HECW1: variants seen among roughly 807,000 people sequenced by gnomAD.
The protein encoded by HECW1 is E3 ubiquitin-protein ligase HECW1.
A neutral mutation model predicts 182.3 loss-of-function variants in HECW1; 61 were observed. The observed-to-expected ratio is 0.33, with a 90% CI of 0.27 to 0.41. The LOEUF is 0.41. Ranked by LOEUF, HECW1 falls within the 10% of genes least tolerant of loss-of-function variation. HECW1 has a pLI of 1.00. For missense variants in HECW1, 1,739 were observed against 2,108.9 expected (o/e 0.82, Z 3.44); for synonymous variants, 859 against 832.6 (o/e 1.03, Z -0.55).
At chr7:43,463,622 C>G in intron 13 of HECW1, 38 bp from the exon 14 acceptor site, 1 of 1,594,648 alleles carries the variant, frequency 6.3e-7, no homozygotes, top group Non-Finnish European at 8.6e-7. Context: ...AGGAGCAAAC[C>G]AAAGTTAACT....
At chr7:43,175,106 T>C (rs1403891174) in intron 2 of HECW1, among the ~76,000 whole-genome samples, 1 of 152,160 alleles carries the variant, frequency 6.6e-6, no homozygotes, top group Admixed American at 6.5e-5. Flanking sequence ...TTTCTCTTTT[T>C]TTTAAGTTGA....
chr7:43,134,703 A>G (rs1415441484), intron 2 of HECW1, among the ~76,000 whole-genome samples: 1 of 130,006 alleles, frequency 7.7e-6, no homozygotes, highest in Admixed American at 7.5e-5. Context: ...ATTTTCCTCA[A>G]TCTTTCAATA....
In HECW1 at chr7:43,320,687, T is replaced by C. The variant is rs1262648134; in HGVS notation, c.405T>C (p.Gly135=). Residue 135 remains glycine (G), a synonymous_variant, in exon 5 of 30, where the codon GGT becomes GGC. Coordinates refer to ENST00000395891, the MANE Select transcript of HECW1 (RefSeq NM_015052.5). ...FLDYKNRGVN[G]SHRGQIIWKI... is the part of the protein sequence containing the mutation. ...ACTATAAAAACCGTGGAGTCAATGG[T>C]TCTCATCGGGGCCAGATCATCTGGA... 1 of 1,614,186 alleles carries C rather than the reference T, an allele frequency of 6.2e-7. No individual in the cohort carries two copies.
rs537704143 is a variant in HECW1 at position 43,513,545 on chromosome 7, T to C, written c.4019+4424T>C. Reference sequence around the variant, plus strand: ...ATAGAGCCAGCTTAATCAAAAGCCCTAGCAGGGCATCATGATTCCACCCAC... The same window carrying C: ...ATAGAGCCAGCTTAATCAAAAGCCCCAGCAGGGCATCATGATTCCACCCAC... On this transcript the variant is annotated intron_variant, in intron 24 of 29. Transcript: ENST00000395891. 1.3e-4 allele frequency among the ~76,000 whole-genome samples: 20 copies of C among 152,336 alleles called. No homozygotes were observed. The South Asian group carries it at 3.9e-3, about 30-fold the overall frequency.
At chr7:43,337,203 CCATT>C (rs1205327208) in intron 5 of HECW1, among the ~76,000 whole-genome samples, 2 of 152,160 alleles carry the variant, frequency 1.3e-5, no homozygotes, top group African/African-American at 4.8e-5. Context: ...ATGCCAACAT[CCATT>C]GTTTTTTGAC....
intron 17 of HECW1, among the ~76,000 whole-genome samples, chr7:43,481,205 A>G (rs1244800603): frequency 6.6e-6 from 1 of 152,198 alleles, no homozygotes; most frequent in Non-Finnish European, 1.5e-5. Flanking sequence ...TTCCCAGTTC[A>G]ACATGCGTAG....
intron 2 of HECW1, among the ~76,000 whole-genome samples, chr7:43,168,997 T>C (rs1186120213): frequency 1.3e-5 from 2 of 152,228 alleles, no homozygotes; most frequent in African/African-American, 4.8e-5. Context: ...GGTGATTTCT[T>C]GGAGGACTTT....
chr7:43,531,879 G>A (rs1054425249), intron 24 of HECW1, among the ~76,000 whole-genome samples: 1 of 152,112 alleles, frequency 6.6e-6, no homozygotes, highest in African/African-American at 2.4e-5. Context: ...TCAGCCCTGG[G>A]TCCGCCTCTC....
At position 43,456,285 on chromosome 7, in the gene HECW1, A is replaced by G. The variant is rs754628875; in HGVS notation, c.2501-12A>G. 2.6e-6 allele frequency: 4 copies of G among 1,557,474 alleles called. No individual in the cohort carries two copies. The South Asian group carries it at 3.5e-5, about 14-fold the overall frequency. Reference sequence around the variant, plus strand: ...CCTTGATTTTTCTTTTTGCCTTTTTATTAAACACTAGACTGGGAAGCTCGA... The same window carrying G: ...CCTTGATTTTTCTTTTTGCCTTTTTGTTAAACACTAGACTGGGAAGCTCGA... On this transcript the variant is annotated splice_polypyrimidine_tract_variant and intron_variant, in intron 12 of 29. Transcript: ENST00000395891.
intron 8 of HECW1, among the ~76,000 whole-genome samples, chr7:43,410,521 A>G (rs566598484): frequency 2.6e-5 from 4 of 152,176 alleles, no homozygotes; most frequent in Non-Finnish European, 5.9e-5. Context: ...ACACACACAC[A>G]CATTCAGTCT....
chr7:43,466,113 GAAAGAAAGAA>G (rs1450583292), intron 14 of HECW1, among the ~76,000 whole-genome samples: 1 of 140,420 alleles, frequency 7.1e-6, no homozygotes, highest in Non-Finnish European at 1.5e-5. Context: ...AAAGAAAGAT[GAAAGAAAGAA>G]AAAGAAAGAA....
chr7:43,129,903 T>C (rs1786718834), intron 2 of HECW1, among the ~76,000 whole-genome samples: 2 of 152,234 alleles, frequency 1.3e-5, no homozygotes, highest in African/African-American at 2.4e-5. Context: ...GTGCATGCTA[T>C]GTAAATAGGG....
rs1784949366 is a variant in HECW1 at position 43,115,278 on chromosome 7, T to G, written c.-32+887T>G. 1.3e-5 allele frequency among the ~76,000 whole-genome samples: 2 copies of G among 149,860 alleles called. 1 individual carries two copies. The highest frequency in any genetic ancestry group is 4.2e-4 in the South Asian group (2 of 4,760). On this transcript the variant is annotated intron_variant, in intron 2 of 29. Transcript: ENST00000395891. ...TCTGCATTTTCCCCATAAGTGAAAT[T>G]ACTCACCAACTCAAACAGGTCTTTT...
chr7:43,259,089 C>CA (rs1308717210), intron 3 of HECW1, among the ~76,000 whole-genome samples: 6 of 152,142 alleles, frequency 3.9e-5, no homozygotes, highest in African/African-American at 7.2e-5. Context: ...TATTCTTCTA[C>CA]AAAAAATGTC....
chr7:43,511,358 G>A (rs937470640), intron 24 of HECW1: 1 of 152,228 alleles, frequency 6.6e-6, no homozygotes, highest in African/African-American at 2.4e-5. Context: ...GCCACTCTTT[G>A]GATGCTGCTG....
intron 2 of HECW1, among the ~76,000 whole-genome samples, chr7:43,166,507 G>C (rs958899517): frequency 6.6e-6 from 1 of 152,128 alleles, no homozygotes; most frequent in Non-Finnish European, 1.5e-5. Flanking sequence ...ATGAGGGAAG[G>C]CTGACCCCTG....
At chr7:43,234,500 C>A (rs917252803) in intron 2 of HECW1, among the ~76,000 whole-genome samples, 15 of 147,632 alleles carry the variant, frequency 1.0e-4, no homozygotes, top group African/African-American at 3.3e-4. Context: ...GATGCTCTCC[C>A]ACCTCAGGCC....
At chr7:43,272,690 G>C (rs1802560483) in intron 3 of HECW1, among the ~76,000 whole-genome samples, 1 of 152,178 alleles carries the variant, frequency 6.6e-6, no homozygotes, top group Non-Finnish European at 1.5e-5. Context: ...CATGGCTGTG[G>C]AGAAAAGGGA....
At chr7:43,533,127 T>C (rs1035926426) in intron 24 of HECW1, among the ~76,000 whole-genome samples, 1 of 152,040 alleles carries the variant, frequency 6.6e-6, no homozygotes, top group Non-Finnish European at 1.5e-5. Flanking sequence ...GGGAGGCTGG[T>C]ACTACTGGGC....
Sources: gnomAD v4.1 joint callset for allele counts (sites outside exome capture counted in the v4.1 genomes callset) on GRCh38, gnomAD v4.1.1 for gene constraint, MANE v1.5 for transcripts, NCBI Gene and HGNC (gene_info 2026-07-23, HGNC 2026-07-21) for gene names.